Variants in VTI1B observed in about 807,000 individuals in gnomAD.
VTI1B encodes the protein vesicle transport through interaction with t-SNAREs 1B, also known as vesicle transport through interaction with t-SNAREs homolog 1B.
A neutral mutation model predicts 28.6 loss-of-function variants in VTI1B; 18 were observed. The observed-to-expected ratio is 0.63, with a 90% CI of 0.43 to 0.93. VTI1B has a LOEUF of 0.93. VTI1B is among the 40% of genes least tolerant of loss of function. The pLI is 0.00. For missense variants in VTI1B, 283 were observed against 297.0 expected, an observed-to-expected ratio of 0.95 and a Z score of 0.35; for synonymous variants, 100 against 107.9, an observed-to-expected ratio of 0.93 and a Z score of 0.46.
chr14:67,654,632 C>T (rs2037230960), intron 4 of VTI1B, among the ~76,000 whole-genome samples: 1 of 152,188 alleles, frequency 6.6e-6, no homozygotes, highest in Admixed American at 6.5e-5. Flanking sequence ...AATCTTCACA[C>T]TGAGCTAGTA....
chr14:67,665,019 C>T (rs370890938), intron 1 of VTI1B, among the ~76,000 whole-genome samples: 3 of 152,142 alleles, frequency 2.0e-5, no homozygotes, highest in African/African-American at 4.8e-5. Flanking sequence ...GAGTGCACCA[C>T]CACAACCAGA....
chr14:67,657,586 A>ACGCG (rs769727925), intron 3 of VTI1B, among the ~76,000 whole-genome samples: 2 of 142,978 alleles, frequency 1.4e-5, no homozygotes, highest in South Asian at 2.2e-4. Context: ...TGTTCAAAGC[A>ACGCG]CGCGCGCGCG....
At position 67,656,638 on chromosome 14, in the gene VTI1B, C is replaced by A. The variant is rs755824251; in HGVS notation, c.367-49G>T. The stretch of plus-strand genomic sequence containing the variant: ...TGTTAGACTTTTTCCATTATAAATT[C>A]ATTGCCAGCATATTCCTCATCACCT... On this transcript the variant is annotated intron_variant, in intron 3 of 5. Transcript: ENST00000554659. 7.3e-5 allele frequency: 113 copies of A among 1,545,018 alleles called. 1 individual carries two copies. In the Middle Eastern group the frequency reaches 8.6e-4, roughly 12 times the overall value.
chr14:67,674,308 T>G, intron 1 of VTI1B, 67 bp downstream of exon 1: 1 of 1,397,986 alleles, frequency 7.2e-7, no homozygotes, highest in Non-Finnish European at 9.6e-7. Flanking sequence ...GGGAGGAAGG[T>G]GGGAGAATCT....
chr14:67,671,156 CTTA>C (rs2037460165), intron 1 of VTI1B, among the ~76,000 whole-genome samples: 1 of 152,110 alleles, frequency 6.6e-6, no homozygotes, highest in South Asian at 2.1e-4. Flanking sequence ...AGTTGTTGGA[CTTA>C]TTATAATTCT....
intron 1 of VTI1B, among the ~76,000 whole-genome samples, chr14:67,672,441 T>C (rs1182834878): frequency 8.8e-6 from 1 of 114,274 alleles, no homozygotes; most frequent in Non-Finnish European, 2.1e-5. Flanking sequence ...TTTTTTCTTT[T>C]CTTTTCTTTT....
At chr14:67,674,337 G>A (rs754324014) in intron 1 of VTI1B, 38 bp downstream of exon 1, 10 of 1,534,506 alleles carry the variant, frequency 6.5e-6, no homozygotes, top group Middle Eastern at 2.4e-4. Flanking sequence ...AAGCGCGCAG[G>A]GCTGCGCTCC....
Position 67,674,408 on chromosome 14 carries a change from C to T in VTI1B, c.82G>A (p.Val28Met). ...FRGLHEDLQG[V>M]PERLLGTAGT... ...GCCGTCCCCAGCAGCCGCTCGGGCA[C>T]CCCTTGTAGGTCTTCATGGAGGCCG... Residue 28 changes from valine to methionine, a missense_variant, in exon 1 of 6, where the codon GTG becomes ATG. Physicochemically the swap from Val to Met is conservative, Grantham distance 21. Transcript: ENST00000554659. The T allele has an allele frequency of 6.2e-7, 1 of 1,605,780 alleles. No individual in the cohort carries two copies. The highest frequency in any genetic ancestry group is 8.5e-7 in the Non-Finnish European group (1 of 1,177,370).
intron 1 of VTI1B, chr14:67,663,295 C>A (rs2037361911): frequency 2.7e-6 from 2 of 741,484 alleles, no homozygotes; most frequent in Non-Finnish European, 4.2e-6. Context: ...GGTTTTCCAT[C>A]TAAAATATGA....
chr14:67,658,620 A>G (rs1205323878), intron 3 of VTI1B, among the ~76,000 whole-genome samples: 3 of 152,150 alleles, frequency 2.0e-5, no homozygotes, highest in Admixed American at 6.5e-5. Flanking sequence ...ATAATTTCTG[A>G]AACTCATAAT....
chr14:67,669,570 G>A (rs2092691), intron 1 of VTI1B, among the ~76,000 whole-genome samples: 147,661 of 152,204 alleles, frequency 0.97, 71,762 homozygotes, highest in East Asian at 1. Flanking sequence ...CCTGGCCCCC[G>A]TATGTTATTT....
chr14:67,673,059 A>G (rs2037488529), intron 1 of VTI1B, among the ~76,000 whole-genome samples: 1 of 152,242 alleles, frequency 6.6e-6, no homozygotes, highest in Non-Finnish European at 1.5e-5. Flanking sequence ...TTCAAACGCC[A>G]TCTCCTCAGA....
intron 3 of VTI1B, 98 bp downstream of exon 3, chr14:67,659,633 T>C: frequency 8.0e-7 from 1 of 1,243,236 alleles, no homozygotes; most frequent in Non-Finnish European, 1.1e-6. Context: ...AAGAGTCTAG[T>C]ATACACTGAT....
chr14:67,662,677 AG>A (rs2140830749), intron 1 of VTI1B, 142 bp from the exon 2 acceptor site: 1 of 751,694 alleles, frequency 1.3e-6, no homozygotes, highest in East Asian at 3.2e-5. Flanking sequence ...AGGCCAAGGC[AG>A]GTGGATCACA....
Position 67,656,585 on chromosome 14 carries a change from C to T in VTI1B, c.371G>A (p.Arg124Gln), listed in dbSNP as rs369577641. The T allele has an allele frequency of 1.0e-5, 16 of 1,597,760 alleles. No individual in the cohort carries two copies. The highest frequency in any genetic ancestry group is 1.3e-5 in the Non-Finnish European group (15 of 1,172,450). Residue 124 changes from arginine (R) to glutamine (Q), a missense_variant, in exon 4 of 6, where the codon CGG becomes CAG. By Grantham distance (43) the Arg-to-Gln change is conservative. Transcript: ENST00000554659. ...AAGCATTGCCCTTTGAGACTGTAGC[C>T]GATTCTGAAAGAAGTATGGAAGAGA... ...IYAVENEHMN[R>Q]LQSQRAMLLQ...
chr14:67,666,796 G>A (rs914818793), intron 1 of VTI1B, among the ~76,000 whole-genome samples: 10 of 152,156 alleles, frequency 6.6e-5, no homozygotes, highest in African/African-American at 2.4e-4. Context: ...TGGAATGCAA[G>A]TGTGCTGACT....
Position 67,648,358 on chromosome 14 carries a change from G to A in VTI1B, c.*3027C>T, listed in dbSNP as rs1193270604. On this transcript the variant is annotated 3_prime_UTR_variant, in exon 6 of 6. Transcript: ENST00000554659. ...AATAAAAAGGATATAGTCCTTTAGA[G>A]TCATGCTTGGACATGGCTCTTACCA... 1.6e-6 allele frequency: 1 copy of A among 610,876 alleles called. No individual in the cohort carries two copies. The highest frequency in any genetic ancestry group is 2.6e-6 in the Non-Finnish European group (1 of 385,688). The allele number at this position is 610,876 out of a possible 1,614,324, so 37.8% of individuals were successfully genotyped here. A position where few individuals can be genotyped will look rare whatever the true frequency, so the allele number is the denominator to read the frequency against.
chr14:67,665,870 AG>A (rs2037396167), intron 1 of VTI1B, among the ~76,000 whole-genome samples: 1 of 152,170 alleles, frequency 6.6e-6, no homozygotes, highest in African/African-American at 2.4e-5. Context: ...AAAAAGGTAG[AG>A]GAAGGTTCAC....
At position 67,654,769 on chromosome 14, in the gene VTI1B, C is replaced by T. The variant is rs141363904; in HGVS notation, c.541-1271G>A. On this transcript the variant is annotated intron_variant, in intron 4 of 5. Transcript: ENST00000554659. Reference sequence around the variant, plus strand: ...TTTTGCCCGGGCGCAGTGGCTCACGCTTATAATTCTAGCACTTTGGGAGGC... The same window carrying T: ...TTTTGCCCGGGCGCAGTGGCTCACGTTTATAATTCTAGCACTTTGGGAGGC... Among the ~76,000 whole-genome samples, 17 of 152,190 alleles carry T rather than the reference C, an allele frequency of 1.1e-4. No homozygotes were observed. In the East Asian group the frequency reaches 3.3e-3, roughly 29 times the overall value.
Sources: gnomAD v4.1 joint callset for allele counts (sites outside exome capture counted in the v4.1 genomes callset) on GRCh38, gnomAD v4.1.1 for gene constraint, MANE v1.5 for transcripts, NCBI Gene and HGNC (gene_info 2026-07-23, HGNC 2026-07-21) for gene names.